RYR2: variants seen among roughly 807,000 people sequenced by gnomAD.
RYR2 encodes the protein ryanodine receptor 2.
Under a neutral mutation model 601.1 loss-of-function variants are expected in RYR2, and 227 were observed. That is an observed-to-expected ratio of 0.38 (90% CI 0.34 to 0.42). RYR2 has a LOEUF of 0.42. Ranked by LOEUF, RYR2 falls within the 10% of genes least tolerant of loss-of-function variation. The probability of loss-of-function intolerance (pLI) is 1.00; values close to 1 mark genes in which losing one functional copy is unlikely to be tolerated. For missense variants in RYR2, 4,646 were observed against 6,156.5 expected (o/e 0.75, Z 8.21); for synonymous variants, 2,223 against 2,175.1 (o/e 1.02, Z -0.61).
intron 24 of RYR2, among the ~76,000 whole-genome samples, chr1:237,523,812 G>A (rs1357614713): frequency 6.6e-6 from 1 of 150,722 alleles, no homozygotes; most frequent in African/African-American, 2.4e-5. Flanking sequence ...GTGCAATCAA[G>A]GATGTTACAC....
chr1:237,377,449 G>A lies in RYR2; in HGVS notation c.576+14G>A, dbSNP rs770132145. The A allele has an allele frequency of 2.6e-6, 4 of 1,564,684 alleles. No homozygotes were observed. Among genetic ancestry groups the A allele is most frequent in the Admixed American group, 1.7e-5 (1 of 59,830 alleles). On this transcript the variant is annotated intron_variant, in intron 8 of 104. Transcript: ENST00000366574. ...GAAAGGTACTTGGTAAGTGTGGAAA[G>A]TAGGATCATGTATCTGCTGATATGC... is the stretch of plus-strand genomic sequence containing the variant.
At chr1:237,623,153 T>G (rs187199015) in intron 38 of RYR2, among the ~76,000 whole-genome samples, 14 of 152,296 alleles carry the variant, frequency 9.2e-5, no homozygotes, top group Admixed American at 5.9e-4. Flanking sequence ...TATGAATTCT[T>G]AAAGTATACA....
chr1:237,671,591 C>T, intron 58 of RYR2, among the ~76,000 whole-genome samples: 1 of 151,764 alleles, frequency 6.6e-6, no homozygotes, highest in Non-Finnish European at 1.5e-5. Context: ...CTAAAAGAAT[C>T]AGGGCCAAAG....
chr1:237,249,064 C>T (rs973050155), intron 1 of RYR2, among the ~76,000 whole-genome samples: 7 of 152,022 alleles, frequency 4.6e-5, no homozygotes, highest in African/African-American at 1.4e-4. Flanking sequence ...TGCGCCCGGC[C>T]GAACAAATGT....
intron 1 of RYR2, among the ~76,000 whole-genome samples, chr1:237,257,983 G>A (rs1275803605): frequency 3.3e-5 from 5 of 151,840 alleles, no homozygotes; most frequent in African/African-American, 1.2e-4. Flanking sequence ...GGCCAACATG[G>A]TGAAACCCTG....
At chr1:237,179,130 G>A (rs1291427345) in intron 1 of RYR2, among the ~76,000 whole-genome samples, 1 of 152,170 alleles carries the variant, frequency 6.6e-6, no homozygotes, top group Admixed American at 6.5e-5. Flanking sequence ...CTTTAGGAAT[G>A]CCTTGAGTAG....
intron 35 of RYR2, among the ~76,000 whole-genome samples, chr1:237,605,855 T>TAC (rs1677063756): frequency 6.6e-6 from 1 of 151,578 alleles, no homozygotes; most frequent in African/African-American, 2.4e-5. Context: ...GAATCCAACT[T>TAC]ACAAGGGATG....
chr1:237,529,339 A>G (rs577115671), intron 24 of RYR2, among the ~76,000 whole-genome samples: 55 of 152,262 alleles, frequency 3.6e-4, no homozygotes, highest in African/African-American at 1.3e-3. Flanking sequence ...TCATGGGGTT[A>G]TTTTAATTTT....
rs552555265 is a variant in RYR2, at chr1:237,425,117, A to T, written c.1005+1869A>T. On this transcript the variant is annotated intron_variant, in intron 12 of 104. Transcript: ENST00000366574. ...CTACTTAAAAGTTTTTTAGTGCTTTAATCATATTTCATTTCTTCTGATTTT... is the reference window on the plus strand; with the variant it reads ...CTACTTAAAAGTTTTTTAGTGCTTTTATCATATTTCATTTCTTCTGATTTT... 2.6e-5 allele frequency among the ~76,000 whole-genome samples: 4 copies of T among 152,308 alleles called. No homozygotes were observed. In the East Asian group the frequency reaches 7.7e-4, roughly 29 times the overall value.
At chr1:237,330,449 G>A (rs1696595994) in intron 2 of RYR2, among the ~76,000 whole-genome samples, 1 of 152,232 alleles carries the variant, frequency 6.6e-6, no homozygotes, top group Admixed American at 6.5e-5. Context: ...GGGCAGTGGT[G>A]TGATCTTGGC....
At chr1:237,731,937 G>A in intron 77 of RYR2, 109 bp from the exon 78 acceptor site, 1 of 586,830 alleles carries the variant, frequency 1.7e-6, no homozygotes, top group South Asian at 2.1e-5. Context: ...CAGGGAAGGA[G>A]GAACGTTCGC....
At chr1:237,426,056 A>G (rs1308606852) in intron 12 of RYR2, among the ~76,000 whole-genome samples, 1 of 151,360 alleles carries the variant, frequency 6.6e-6, no homozygotes, top group Admixed American at 6.6e-5. Flanking sequence ...ATATACATAT[A>G]TTCATATATA....
rs912400389 is a variant in RYR2, at chr1:237,053,968, C to T, written c.48+11399C>T. On this transcript the variant is annotated intron_variant, in intron 1 of 104. Transcript: ENST00000366574. ...ACAAGTATATTGGCCCACATTATTC[C>T]GCTCAGACAGGATAGCTGCAATTCA... Among the ~76,000 whole-genome samples the T allele has an allele frequency of 3.9e-5, 6 of 152,164 alleles. No individual in the cohort carries two copies. The East Asian group carries it at 5.8e-4, about 15-fold the overall frequency.
At chr1:237,569,041 T>C (rs1672382899) in intron 28 of RYR2, 104 bp from the exon 29 acceptor site, 1 of 931,144 alleles carries the variant, frequency 1.1e-6, no homozygotes, top group Admixed American at 2.8e-5. Context: ...TCTCCTACTG[T>C]TGTGTTGATA....
At position 237,113,545 on chromosome 1, in the gene RYR2, G is replaced by T. The variant is rs541637206; in HGVS notation, c.48+70976G>T. Among the ~76,000 whole-genome samples the T allele has an allele frequency of 3.3e-3, 504 of 152,242 alleles. 2 individuals carry two copies. The highest frequency in any genetic ancestry group is 4.4e-3 in the Non-Finnish European group (299 of 68,018). On this transcript the variant is annotated intron_variant, in intron 1 of 104. Transcript: ENST00000366574. ...CTGTCCCATTGTCCTTTAAGGGCAT[G>T]TCACTTCCCTGGAGGTCAAAATCAT...
chr1:237,718,963 G>A (rs1689484778), intron 73 of RYR2, among the ~76,000 whole-genome samples: 1 of 152,068 alleles, frequency 6.6e-6, no homozygotes, highest in African/African-American at 2.4e-5. Context: ...CGTAGAGAAG[G>A]TGTCTATAAG....
chr1:237,275,666 A>G (rs1690205501), intron 2 of RYR2, among the ~76,000 whole-genome samples: 1 of 152,194 alleles, frequency 6.6e-6, no homozygotes, highest in Non-Finnish European at 1.5e-5. Flanking sequence ...AAATAAGTAC[A>G]ATGCTTAGCA....
At chr1:237,110,409 TC>T (rs975787857) in intron 1 of RYR2, among the ~76,000 whole-genome samples, 3 of 116,976 alleles carry the variant, frequency 2.6e-5, no homozygotes, top group African/African-American at 9.6e-5. Context: ...ATGCTATCCC[TC>T]CCCCCTCCCC....
At chr1:237,514,695 C>T (rs1002901654) in intron 24 of RYR2, among the ~76,000 whole-genome samples, 2 of 152,102 alleles carry the variant, frequency 1.3e-5, no homozygotes, top group Admixed American at 1.3e-4. Flanking sequence ...GGAGTTGGGT[C>T]ATCTGGACTT....
Sources: gnomAD v4.1 joint callset for allele counts (sites outside exome capture counted in the v4.1 genomes callset) on GRCh38, gnomAD v4.1.1 for gene constraint, MANE v1.5 for transcripts, NCBI Gene and HGNC (gene_info 2026-07-23, HGNC 2026-07-21) for gene names.